The following FERMT2 variants were observed in gnomAD, a reference collection of about 807,000 sequenced individuals.
FERMT2 encodes the protein FERM domain containing kindlin 2.
A neutral mutation model predicts 82.7 loss-of-function variants in FERMT2; 15 were observed. The ratio of observed to expected loss-of-function variants is 0.18; its 90% confidence interval spans 0.12 to 0.28. FERMT2 has a LOEUF of 0.28. Among genes scored for constraint, FERMT2 ranks in the 10% least tolerant of loss-of-function variants. The pLI is 1.00. For synonymous variants in FERMT2, 274 were observed against 271.5 expected, an observed-to-expected ratio of 1.01 and a Z score of -0.09; for missense variants, 645 against 809.4, an observed-to-expected ratio of 0.80 and a Z score of 2.46.
At chr14:52,924,785 T>C (rs969850231) in intron 2 of FERMT2, among the ~76,000 whole-genome samples, 6 of 152,346 alleles carry the variant, frequency 3.9e-5, no homozygotes, top group Admixed American at 6.5e-5. Context: ...AGCTGGTAGA[T>C]AGAAAGGAAA....
chr14:52,947,685 G>C (rs143779380), intron 2 of FERMT2, among the ~76,000 whole-genome samples: 1 of 152,086 alleles, frequency 6.6e-6, no homozygotes, highest in East Asian at 1.9e-4. Flanking sequence ...TTAAAATGCC[G>C]CACTCTGGGA....
At chr14:52,945,282 C>T (rs1374535667) in intron 2 of FERMT2, among the ~76,000 whole-genome samples, 3 of 151,552 alleles carry the variant, frequency 2.0e-5, no homozygotes, top group Admixed American at 1.3e-4. Flanking sequence ...GACGGAATCT[C>T]GCTCATCACC....
chr14:52,879,367 T>C (rs898313547), intron 6 of FERMT2, among the ~76,000 whole-genome samples: 5 of 152,180 alleles, frequency 3.3e-5, no homozygotes, highest in East Asian at 1.9e-4. Flanking sequence ...AGAATTTTTA[T>C]AGATGATGGA....
At chr14:52,861,978 G>GT (rs1315305738) in intron 12 of FERMT2, 4 of 152,124 alleles carry the variant, frequency 2.6e-5, no homozygotes, top group Non-Finnish European at 5.9e-5. Context: ...GACTAGTGTG[G>GT]TATCTGACAC....
chr14:52,875,950 AGAGTAGT>A (rs1257573426), intron 7 of FERMT2, among the ~76,000 whole-genome samples: 1 of 152,142 alleles, frequency 6.6e-6, no homozygotes, highest in Non-Finnish European at 1.5e-5. Flanking sequence ...GGGCAGAGAG[AGAGTAGT>A]GAGTAGTGAT....
At chr14:52,938,599 C>T (rs1033233324) in intron 2 of FERMT2, among the ~76,000 whole-genome samples, 5 of 152,268 alleles carry the variant, frequency 3.3e-5, no homozygotes, top group Non-Finnish European at 7.4e-5. Context: ...CACAGTCTCA[C>T]TCTGTCAACC....
chr14:52,919,718 T>C (rs1427278337), intron 2 of FERMT2, among the ~76,000 whole-genome samples: 1 of 152,156 alleles, frequency 6.6e-6, no homozygotes, highest in Non-Finnish European at 1.5e-5. Context: ...ACTCGTCCTA[T>C]AGGAATGGAC....
chr14:52,920,640 A>G (rs1002160784), intron 2 of FERMT2, among the ~76,000 whole-genome samples: 2 of 152,048 alleles, frequency 1.3e-5, no homozygotes, highest in Admixed American at 6.6e-5. Flanking sequence ...CTCAAGGAAA[A>G]CAACTTCCAG....
At chr14:52,931,159 A>C (rs1333368646) in intron 2 of FERMT2, among the ~76,000 whole-genome samples, 1 of 152,220 alleles carries the variant, frequency 6.6e-6, no homozygotes, top group Admixed American at 6.5e-5. Context: ...ATCATATGCC[A>C]GGCACTAAGT....
chr14:52,929,696 A>G (rs1329176935), intron 2 of FERMT2, among the ~76,000 whole-genome samples: 1 of 152,098 alleles, frequency 6.6e-6, no homozygotes, highest in Non-Finnish European at 1.5e-5. Flanking sequence ...TTAATTCCAT[A>G]TTCTCAGAGA....
chr14:52,868,448 C>A (rs931756598), intron 10 of FERMT2, among the ~76,000 whole-genome samples: 1 of 152,096 alleles, frequency 6.6e-6, no homozygotes. Context: ...TATTTATTAC[C>A]CCAATTGTAA....
In FERMT2 at chr14:52,858,566, G is replaced by A; in HGVS notation, c.1870-16C>T. 6.2e-7 allele frequency: 1 copy of A among 1,613,346 alleles called. No homozygotes were observed. Among genetic ancestry groups the A allele is most frequent in the Non-Finnish European group, 8.5e-7 (1 of 1,179,546 alleles). ...CTACGGTGACCTGGAACAAAGACAA[G>A]AGCCATCAGTGCTGTCCCAAATGCT... On this transcript the variant is annotated splice_polypyrimidine_tract_variant and intron_variant, in intron 14 of 14. Coordinates refer to ENST00000341590, the MANE Select transcript of FERMT2 (RefSeq NM_006832.3).
chr14:52,942,191 T>A (rs1890115715), intron 2 of FERMT2, among the ~76,000 whole-genome samples: 1 of 147,210 alleles, frequency 6.8e-6, no homozygotes, highest in Non-Finnish European at 1.5e-5. Context: ...AAGTATCCAC[T>A]CTCATTTGCA....
Position 52,872,901 on chromosome 14 carries a change from C to T in FERMT2, c.1171G>A (p.Gly391Ser). 1 of 1,613,772 alleles carries T rather than the reference C, an allele frequency of 6.2e-7. No homozygotes were observed. The highest frequency in any genetic ancestry group is 8.5e-7 in the Non-Finnish European group (1 of 1,179,798). The change falls in exon 10 of 15, where the codon GGT becomes AGT. Residue 391 changes from glycine to serine, a missense_variant. Coordinates refer to ENST00000341590, the MANE Select transcript of FERMT2 (RefSeq NM_006832.3). ...VFKPKKLTLK[G>S]YKQYWCTFKD... Reference sequence around the variant, plus strand: ...AAGGTGCACCAATATTGTTTGTAACCTTTCAGAGTCAGCTTTTTTGGCCTA... The same window carrying T: ...AAGGTGCACCAATATTGTTTGTAACTTTTCAGAGTCAGCTTTTTTGGCCTA...
rs1231647545 is a variant in FERMT2, at chr14:52,858,107, A to C, written c.*270T>G. 2.5e-6 allele frequency: 1 copy of C among 392,908 alleles called. No homozygotes were observed. Among genetic ancestry groups the C allele is most frequent in the Non-Finnish European group, 4.6e-6 (1 of 215,098 alleles). The allele number at this position is 392,908 out of a possible 1,614,324, so 24.3% of individuals were successfully genotyped here. On this transcript the variant is annotated 3_prime_UTR_variant, in exon 15 of 15. Transcript: ENST00000341590. The stretch of plus-strand genomic sequence containing the variant: ...TTTGGCTAGCTTAAATCAGTAAATC[A>C]GTGATGGTTTGTTCCTGATTTGCCC...
intron 4 of FERMT2, among the ~76,000 whole-genome samples, chr14:52,883,877 G>A (rs1228253301): frequency 6.6e-6 from 1 of 152,038 alleles, no homozygotes; most frequent in African/African-American, 2.4e-5. Context: ...TTCCAGCCAC[G>A]TGAAGTGCTG....
intron 3 of FERMT2, among the ~76,000 whole-genome samples, chr14:52,897,869 G>C (rs1168093448): frequency 6.6e-6 from 1 of 151,650 alleles, no homozygotes; most frequent in Non-Finnish European, 1.5e-5. Flanking sequence ...CCAGCTACTC[G>C]GGAGGCTGAG....
At chr14:52,910,375 C>G (rs907768425) in intron 3 of FERMT2, among the ~76,000 whole-genome samples, 1 of 152,042 alleles carries the variant, frequency 6.6e-6, no homozygotes, top group Admixed American at 6.5e-5. Flanking sequence ...GTAACAAGCT[C>G]TAAACACAAA....
chr14:52,864,860 CAA>C lies in FERMT2; in HGVS notation c.1274-9_1274-8del, dbSNP rs1294407684. 1 of 1,526,710 alleles carries C rather than the reference CAA, an allele frequency of 6.6e-7. No individual in the cohort carries two copies. Among genetic ancestry groups the C allele is most frequent in the South Asian group, 1.2e-5 (1 of 85,688 alleles). The allele number at this position is 1,526,710 out of a possible 1,614,324, so 94.6% of individuals were successfully genotyped here. The stretch of plus-strand genomic sequence containing the variant: ...TCTGGGGTAACTTCACATCCTGTAA[CAA>C]AAAATTTTTATTAAAATGGCTAAAT... On this transcript the variant is annotated splice_polypyrimidine_tract_variant and splice_region_variant and intron_variant, in intron 10 of 14. Coordinates refer to ENST00000341590, the MANE Select transcript of FERMT2 (RefSeq NM_006832.3).
Sources: allele counts gnomAD v4.1 joint callset (sites outside exome capture counted in the v4.1 genomes callset), GRCh38; gene constraint gnomAD v4.1.1; transcripts MANE v1.5; gene names NCBI Gene and HGNC (gene_info 2026-07-23, HGNC 2026-07-21).